Variants in ZEB1 observed in about 807,000 individuals in gnomAD.
ZEB1 encodes the protein zinc finger E-box-binding homeobox 1.
Under a neutral mutation model 84.9 loss-of-function variants are expected in ZEB1, and 21 were observed. The ratio of observed to expected loss-of-function variants is 0.25; its 90% CI spans 0.18 to 0.36. ZEB1 has a LOEUF of 0.36. Among genes scored for constraint, ZEB1 ranks in the 10% least tolerant of loss-of-function variants. The pLI, the probability that ZEB1 is intolerant of heterozygous loss-of-function variation, is 1.00. For missense variants in ZEB1, 1,104 were observed against 1,330.2 expected, an observed-to-expected ratio of 0.83 and a Z score of 2.65; for synonymous variants, 420 against 471.1, an observed-to-expected ratio of 0.89 and a Z score of 1.41.
chr10:31,455,887 C>G (rs1250673412), intron 1 of ZEB1, among the ~76,000 whole-genome samples: 1 of 152,114 alleles, frequency 6.6e-6, no homozygotes, highest in African/African-American at 2.4e-5. Flanking sequence ...TACCATTTGA[C>G]CCAGCCATCC....
chr10:31,329,273 C>T (rs1300842702), intron 1 of ZEB1, among the ~76,000 whole-genome samples: 4 of 151,994 alleles, frequency 2.6e-5, no homozygotes, highest in African/African-American at 9.7e-5. Context: ...TCATATAAAC[C>T]GAATCATGCA....
intron 3 of ZEB1, 113 bp from the exon 4 acceptor site, chr10:31,502,235 G>A: frequency 9.6e-7 from 1 of 1,045,100 alleles, no homozygotes; most frequent in South Asian, 1.5e-5. Flanking sequence ...AATATTTTCT[G>A]CAGATTCAAG....
At chr10:31,390,379 A>G (rs997581755) in intron 1 of ZEB1, among the ~76,000 whole-genome samples, 11 of 152,086 alleles carry the variant, frequency 7.2e-5, no homozygotes, top group Non-Finnish European at 1.6e-4. Flanking sequence ...TCTCTAGCCC[A>G]TTTCTTCCTA....
At chr10:31,454,233 C>T (rs531039258) in intron 1 of ZEB1, among the ~76,000 whole-genome samples, 32 of 152,080 alleles carry the variant, frequency 2.1e-4, no homozygotes, top group Admixed American at 6.6e-4. Flanking sequence ...AAACTCTCCA[C>T]GAGCTCTAGG....
chr10:31,473,691 C>G (rs1401895315), intron 2 of ZEB1, among the ~76,000 whole-genome samples: 2 of 149,172 alleles, frequency 1.3e-5, no homozygotes, highest in East Asian at 2.0e-4. Flanking sequence ...ACTTTCTTCA[C>G]AGAATTGGAA....
At chr10:31,396,734 C>T (rs969349723) in intron 1 of ZEB1, among the ~76,000 whole-genome samples, 1 of 152,098 alleles carries the variant, frequency 6.6e-6, no homozygotes, top group African/African-American at 2.4e-5. Flanking sequence ...CTTTACTCAC[C>T]ACCATGTGAT....
chr10:31,506,426 T>C (rs887386680), intron 4 of ZEB1, among the ~76,000 whole-genome samples: 1 of 152,092 alleles, frequency 6.6e-6, no homozygotes, highest in African/African-American at 2.4e-5. Flanking sequence ...TAATATTTCC[T>C]TTATATAGCC....
intron 2 of ZEB1, among the ~76,000 whole-genome samples, chr10:31,476,361 A>G (rs1182426518): frequency 6.6e-6 from 1 of 152,110 alleles, no homozygotes; most frequent in Non-Finnish European, 1.5e-5. Flanking sequence ...ATAACCTAGA[A>G]GAAATATGTG....
In ZEB1 at chr10:31,520,523, G is replaced by T. The variant is rs745637705; in HGVS notation, c.1191G>T (p.Leu397=). The T allele has an allele frequency of 1.9e-6, 3 of 1,613,664 alleles. No individual in the cohort carries two copies. The South Asian group carries it at 3.3e-5, about 18-fold the overall frequency. The change falls in exon 7 of 9, where the codon CTG becomes CTT. Residue 397 remains leucine (L), a synonymous_variant. Transcript: ENST00000424869. This position sits in a 1 kb window ranked among gnomAD's most constrained non-coding sequence, Gnocchi z 5.1. ...AGGGCATGGTGCAAGCTGTTGTTCT[G>T]CCAACAGTTGGTTTGGTGTCTCCCA... ...SPQGMVQAVV[L]PTVGLVSPIS...
intron 1 of ZEB1, among the ~76,000 whole-genome samples, chr10:31,367,248 C>T (rs1266461308): frequency 6.6e-6 from 1 of 152,170 alleles, no homozygotes. Flanking sequence ...TAAGATGATA[C>T]TGGTATACGT....
At chr10:31,430,370 G>C (rs529784301) in intron 1 of ZEB1, among the ~76,000 whole-genome samples, 1 of 152,184 alleles carries the variant, frequency 6.6e-6, no homozygotes, top group South Asian at 2.1e-4. Context: ...CTTATAAGTA[G>C]TTATTATTCT....
chr10:31,383,852 T>G (rs1231156602), intron 1 of ZEB1, among the ~76,000 whole-genome samples: 2 of 152,166 alleles, frequency 1.3e-5, no homozygotes, highest in Non-Finnish European at 2.9e-5. Context: ...CACTGATAGT[T>G]TATTTGTCAG....
At chr10:31,444,493 C>G (rs1308749428) in intron 1 of ZEB1, among the ~76,000 whole-genome samples, 2 of 151,860 alleles carry the variant, frequency 1.3e-5, no homozygotes, top group African/African-American at 4.8e-5. Flanking sequence ...TTGCCCATGC[C>G]TATGTCCTGA....
At chr10:31,485,326 C>T (rs142858306) in intron 2 of ZEB1, among the ~76,000 whole-genome samples, 1 of 151,942 alleles carries the variant, frequency 6.6e-6, no homozygotes, top group Non-Finnish European at 1.5e-5. Flanking sequence ...ATGCTCTAGT[C>T]GTATACATGT....
intron 1 of ZEB1, among the ~76,000 whole-genome samples, chr10:31,424,712 T>G (rs2056700464): frequency 2.0e-5 from 3 of 151,996 alleles, no homozygotes; most frequent in African/African-American, 4.8e-5. Flanking sequence ...GTTAGAACAT[T>G]TATGCTGCTC....
chr10:31,445,679 G>T (rs1202772709), intron 1 of ZEB1, among the ~76,000 whole-genome samples: 3 of 146,060 alleles, frequency 2.1e-5, no homozygotes, highest in Non-Finnish European at 4.6e-5. Flanking sequence ...ATAATCATGT[G>T]GTTTTTGTCT....
At chr10:31,365,723 A>G (rs932542941) in intron 1 of ZEB1, among the ~76,000 whole-genome samples, 4 of 152,240 alleles carry the variant, frequency 2.6e-5, no homozygotes, top group Non-Finnish European at 5.9e-5. Context: ...AATGAATTCC[A>G]CAAAAATTGC....
chr10:31,452,701 ATGTGTGTGTGTGTG>A (rs377004895), intron 1 of ZEB1, among the ~76,000 whole-genome samples: 4 of 90,350 alleles, frequency 4.4e-5, no homozygotes, highest in South Asian at 5.9e-4. Flanking sequence ...TTAGGATAAA[ATGTGTGTGTGTGTG>A]TGTGTGTGTG....
chr10:31,517,273 T>C (rs1193563100), intron 6 of ZEB1, among the ~76,000 whole-genome samples: 3 of 152,006 alleles, frequency 2.0e-5, no homozygotes, highest in Non-Finnish European at 4.4e-5. Context: ...CCAAAAAATT[T>C]TGATCATGAC....
Sources: allele counts gnomAD v4.1 joint callset (sites outside exome capture counted in the v4.1 genomes callset), GRCh38; gene constraint gnomAD v4.1.1; non-coding constraint Gnocchi (gnomAD v3.1); transcripts MANE v1.5; gene names NCBI Gene and HGNC (gene_info 2026-07-23, HGNC 2026-07-21).